The following NCAM2 variants were observed in gnomAD, a reference collection of about 807,000 sequenced individuals.
The protein encoded by NCAM2 is neural cell adhesion molecule 2.
Under a neutral mutation model 98.1 loss-of-function variants are expected in NCAM2, and 30 were observed. The observed-to-expected ratio is 0.31, with a 90% CI of 0.23 to 0.41. The LOEUF (loss-of-function observed/expected upper bound fraction) is 0.41. NCAM2 is among the 10% of genes least tolerant of loss of function. The pLI is 1.00. For synonymous variants in NCAM2, 368 were observed against 342.4 expected, an observed-to-expected ratio of 1.07 and a Z score of -0.83; for missense variants, 867 against 1,005.8, an observed-to-expected ratio of 0.86 and a Z score of 1.87.
chr21:21,531,832 A>C (rs538889983), intron 16 of NCAM2, among the ~76,000 whole-genome samples: 1 of 150,780 alleles, frequency 6.6e-6, no homozygotes, highest in East Asian at 2.0e-4. Flanking sequence ...ATACCAAAAA[A>C]AAAAAAAAAA....
At chr21:21,454,460 C>G (rs564252564) in intron 12 of NCAM2, among the ~76,000 whole-genome samples, 1 of 152,122 alleles carries the variant, frequency 6.6e-6, no homozygotes, top group African/African-American at 2.4e-5. Flanking sequence ...ACATCCCTAA[C>G]TTATGTATGG....
intron 1 of NCAM2, among the ~76,000 whole-genome samples, chr21:21,170,387 C>T (rs1197886087): frequency 6.6e-6 from 1 of 152,084 alleles, no homozygotes; most frequent in East Asian, 1.9e-4. Flanking sequence ...TATTATTCAG[C>T]ACCAAAAAGA....
chr21:21,030,762 A>T (rs1180928116), intron 1 of NCAM2, among the ~76,000 whole-genome samples: 1 of 152,230 alleles, frequency 6.6e-6, no homozygotes, highest in Non-Finnish European at 1.5e-5. Context: ...CAAAGCGATG[A>T]TTCAGTATTA....
intron 11 of NCAM2, among the ~76,000 whole-genome samples, chr21:21,431,776 T>G (rs1236175888): frequency 6.6e-6 from 1 of 152,154 alleles, no homozygotes; most frequent in East Asian, 1.9e-4. Context: ...TCTTTTATTT[T>G]TTTTTCTTAA....
Position 21,286,256 on chromosome 21 carries a change from TTTG to T in NCAM2, c.338-9_338-7del. 1 of 1,575,606 alleles carries T rather than the reference TTTG, an allele frequency of 6.3e-7. No homozygotes were observed. ...ATTTGTGATTTGTGATTTGTTTTAC[TTTG>T]TTGATACAGAAAAACTCACTTTCAG... On this transcript the variant is annotated splice_polypyrimidine_tract_variant and intron_variant, in intron 3 of 17. Transcript: ENST00000400546.
At chr21:21,387,113 C>A (rs917068840) in intron 9 of NCAM2, among the ~76,000 whole-genome samples, 4 of 151,678 alleles carry the variant, frequency 2.6e-5, no homozygotes, top group Admixed American at 6.6e-5. Flanking sequence ...GATGCTAGCA[C>A]GGTTGGGTGA....
At chr21:21,463,158 G>C (rs1983218789) in intron 12 of NCAM2, among the ~76,000 whole-genome samples, 1 of 152,014 alleles carries the variant, frequency 6.6e-6, no homozygotes, top group African/African-American at 2.4e-5. Context: ...TCCCTACCTT[G>C]GGTGTTCAGA....
At chr21:21,488,126 A>G (rs1986545642) in intron 15 of NCAM2, among the ~76,000 whole-genome samples, 1 of 152,164 alleles carries the variant, frequency 6.6e-6, no homozygotes, top group African/African-American at 2.4e-5. Flanking sequence ...ACTTACATAT[A>G]GCAAATACAT....
At chr21:21,390,903 A>C (rs919168552) in intron 9 of NCAM2, among the ~76,000 whole-genome samples, 4 of 152,238 alleles carry the variant, frequency 2.6e-5, no homozygotes, top group Non-Finnish European at 5.9e-5. Context: ...ATGCACACCT[A>C]TATTTTTCTC....
chr21:21,280,989 C>A (rs1299438501), intron 2 of NCAM2, among the ~76,000 whole-genome samples: 1 of 152,010 alleles, frequency 6.6e-6, no homozygotes, highest in African/African-American at 2.4e-5. Flanking sequence ...CGGGGTTTCA[C>A]CATGTTGGCC....
intron 1 of NCAM2, among the ~76,000 whole-genome samples, chr21:21,266,637 C>T (rs895916768): frequency 1.3e-5 from 2 of 151,730 alleles, no homozygotes; most frequent in African/African-American, 2.4e-5. Context: ...AAACAAACAC[C>T]GTGTGTTCTC....
intron 8 of NCAM2, among the ~76,000 whole-genome samples, chr21:21,367,495 A>C (rs191483672): frequency 2.8e-4 from 42 of 152,154 alleles, no homozygotes; most frequent in African/African-American, 9.9e-4. Context: ...CACGTGGTTC[A>C]TGGGATCAAG....
chr21:21,501,256 T>A (rs1329621128), intron 15 of NCAM2, among the ~76,000 whole-genome samples: 1 of 152,098 alleles, frequency 6.6e-6, no homozygotes, highest in Admixed American at 6.5e-5. Flanking sequence ...ATCTCAGAAA[T>A]GTTAATTGGT....
At chr21:21,152,925 A>T (rs941358671) in intron 1 of NCAM2, among the ~76,000 whole-genome samples, 1 of 151,908 alleles carries the variant, frequency 6.6e-6, no homozygotes, top group African/African-American at 2.4e-5. Context: ...AAAGTTGCGT[A>T]TGTGTCTTCA....
intron 15 of NCAM2, among the ~76,000 whole-genome samples, chr21:21,497,191 A>G (rs1987301843): frequency 6.6e-6 from 1 of 152,176 alleles, no homozygotes; most frequent in South Asian, 2.1e-4. Flanking sequence ...TGGGGACAAC[A>G]GACACTGTGG....
chr21:21,358,203 T>C (rs890313800), intron 8 of NCAM2, among the ~76,000 whole-genome samples: 11 of 152,120 alleles, frequency 7.2e-5, no homozygotes, highest in Non-Finnish European at 1.2e-4. Flanking sequence ...CTGTCTTGTT[T>C]AGGATTTAGA....
intron 16 of NCAM2, among the ~76,000 whole-genome samples, chr21:21,525,703 T>C (rs1602560628): frequency 6.6e-6 from 1 of 152,036 alleles, no homozygotes; most frequent in East Asian, 1.9e-4. Flanking sequence ...GACAAAGATA[T>C]GACAAGAAAA....
chr21:21,351,099 G>A (rs528088367), intron 8 of NCAM2, among the ~76,000 whole-genome samples: 8 of 117,004 alleles, frequency 6.8e-5, no homozygotes, highest in South Asian at 3.0e-4. Context: ...GGGAGACAGA[G>A]AGAGCGAGAC....
intron 1 of NCAM2, among the ~76,000 whole-genome samples, chr21:21,088,799 CT>C (rs2065953678): frequency 6.6e-6 from 1 of 151,810 alleles, no homozygotes; most frequent in Admixed American, 6.6e-5. Flanking sequence ...GAGACCGTGT[CT>C]CTACTAAAAA....
Sources: allele counts gnomAD v4.1 joint callset (sites outside exome capture counted in the v4.1 genomes callset), GRCh38; gene constraint gnomAD v4.1.1; transcripts MANE v1.5; gene names NCBI Gene and HGNC (gene_info 2026-07-23, HGNC 2026-07-21).